Variants in GSE1 observed in about 807,000 individuals in gnomAD.
GSE1 encodes the protein genetic suppressor element 1.
In GSE1, 32 loss-of-function variants were observed where a neutral mutation model predicts 112.6. The observed-to-expected ratio is 0.28, with a 90% confidence interval of 0.21 to 0.38. The LOEUF (loss-of-function observed/expected upper bound fraction) is 0.38, where lower values mean the gene tolerates loss of function less well. Among genes scored for constraint, GSE1 ranks in the 10% least tolerant of loss-of-function variants. The pLI, the probability that GSE1 is intolerant of heterozygous loss-of-function variation, is 1.00. For missense variants in GSE1, 2,348 were observed against 1,699.2 expected (o/e 1.38, Z -6.71); for synonymous variants, 1,115 against 735.6 (o/e 1.52, Z -8.35).
chr16:85,611,010 C>T (rs925563574), upstream of GSE1, among the ~76,000 whole-genome samples: 3 of 152,230 alleles, frequency 2.0e-5, no homozygotes, highest in Non-Finnish European at 4.4e-5. Context: ...AAACCTAACC[C>T]CACCTTCACC....
intron 2 of GSE1, among the ~76,000 whole-genome samples, chr16:85,361,001 A>G (rs530843272): frequency 5.9e-5 from 9 of 151,948 alleles, no homozygotes; most frequent in Non-Finnish European, 1.3e-4. Flanking sequence ...CAGAAGCCAA[A>G]CATCCTCGCA....
intron 2 of GSE1, among the ~76,000 whole-genome samples, chr16:85,474,486 A>G (rs982802219): frequency 1.3e-5 from 2 of 151,872 alleles, no homozygotes; most frequent in African/African-American, 4.8e-5. Flanking sequence ...GGGGAGTCAC[A>G]TTTCATTTTC....
intron 2 of GSE1, among the ~76,000 whole-genome samples, chr16:85,429,481 T>G (rs2049069319): frequency 6.6e-6 from 1 of 152,218 alleles, no homozygotes. Context: ...AGTGCGAATC[T>G]GCTAGTGAGG....
At chr16:85,169,942 G>A (rs1346128473) in exon 1 of GSE1, 1 of 984,490 alleles carries the variant, frequency 1.0e-6, no homozygotes, top group Non-Finnish European at 1.2e-6. Context: ...CGAGTGGAAC[G>A]TCGCCTACGC....
Position 85,311,793 on chromosome 16 carries a change from C to T in GSE1, c.2284-45670C>T, listed in dbSNP as rs896757765. 5.9e-5 allele frequency among the ~76,000 whole-genome samples: 9 copies of T among 152,302 alleles called. No individual in the cohort carries two copies. The highest frequency in any genetic ancestry group is 1.0e-4 in the Non-Finnish European group (7 of 68,010). On this transcript the variant is annotated intron_variant, in intron 1 of 2. Transcript: ENST00000637419. This position sits in a 1 kb window ranked among gnomAD's most constrained non-coding sequence, Gnocchi z 4.2. ...CCCACCTGCCGATGCCCACATACCA[C>T]CTTGCAGTCCTGGTGATGGGGACCC...
In GSE1 at chr16:85,590,525, TTG is replaced by T. The variant is rs573854581; in HGVS notation, c.37+34167_37+34168del. 4.1e-5 allele frequency among the ~76,000 whole-genome samples: 6 copies of T among 146,274 alleles called. No individual in the cohort carries two copies. The East Asian group carries it at 6.1e-4, about 15-fold the overall frequency. ...TGTGTGTGAATGAGTGTGTGTGTGA[TTG>T]TGTGAGCATGTGTGACATTGCGTGT... On this transcript the variant is annotated intron_variant, in intron 1 of 2. Transcript: ENST00000635906.
At chr16:85,518,428 A>C (rs1208932288) in intron 2 of GSE1, among the ~76,000 whole-genome samples, 1 of 152,088 alleles carries the variant, frequency 6.6e-6, no homozygotes, top group Non-Finnish European at 1.5e-5. Context: ...ACAGGGATGC[A>C]ACTGTGTGTG....
chr16:85,339,764 A>G (rs1326104454), intron 1 of GSE1, among the ~76,000 whole-genome samples: 2 of 152,138 alleles, frequency 1.3e-5, no homozygotes, highest in Non-Finnish European at 2.9e-5. Context: ...TCTTTATGCC[A>G]GGGGACGGCG....
chr16:85,275,243 C>G (rs954042120), intron 1 of GSE1, among the ~76,000 whole-genome samples: 1 of 152,220 alleles, frequency 6.6e-6, no homozygotes, highest in East Asian at 1.9e-4. Flanking sequence ...CAGAACAGCT[C>G]CCTGCTAGGA....
At chr16:85,646,136 CAT>C (rs2050847263) in intron 2 of GSE1, among the ~76,000 whole-genome samples, 4 of 119,362 alleles carry the variant, frequency 3.4e-5, no homozygotes, top group African/African-American at 1.1e-4. Flanking sequence ...GCTTCCTATG[CAT>C]GCATTCTACC....
At position 85,646,188 on chromosome 16, in the gene GSE1, T is replaced by C. The variant is rs112450281; in HGVS notation, c.227-2364T>C. 3.5e-4 allele frequency among the ~76,000 whole-genome samples: 51 copies of C among 147,640 alleles called. 1 individual carries two copies. The highest frequency in any genetic ancestry group is 9.5e-4 in the African/African-American group (38 of 39,868). On this transcript the variant is annotated intron_variant, in intron 2 of 15. Transcript: ENST00000253458. ...TTCCTATGCATGCATTCTACCTGCT[T>C]CTACCACGCTTCCTATGCATGCATT...
At chr16:85,334,883 C>T (rs1372032875) in intron 1 of GSE1, among the ~76,000 whole-genome samples, 1 of 152,062 alleles carries the variant, frequency 6.6e-6, no homozygotes, top group Non-Finnish European at 1.5e-5. Context: ...GAGGTGTCTG[C>T]ACCCGGAAGA....
Position 85,373,107 on chromosome 16 carries a change from G to A in GSE1, c.2464+15464G>A, listed in dbSNP as rs1185281685. Among the ~76,000 whole-genome samples, 1 of 152,272 alleles carries A rather than the reference G, an allele frequency of 6.6e-6. No homozygotes were observed. Among genetic ancestry groups the A allele is most frequent in the Non-Finnish European group, 1.5e-5 (1 of 68,052 alleles). On this transcript the variant is annotated intron_variant, in intron 2 of 2. Transcript: ENST00000637419. The surrounding 1 kb of genome is among the most constrained non-coding windows in gnomAD (Gnocchi z 5.1). Reference sequence around the variant, plus strand: ...AGTGGGCTGTGGCCTTCTAGGCCCAGGTCCTCTGCCAGGACAGGCAGGTGT... The same window carrying A: ...AGTGGGCTGTGGCCTTCTAGGCCCAAGTCCTCTGCCAGGACAGGCAGGTGT...
In GSE1 at chr16:85,431,502, G is replaced by C. The variant is rs752862159; in HGVS notation, c.2464+73859G>C. The stretch of plus-strand genomic sequence containing the variant: ...CGTGTTTGCAGGCCACACTTGCAGA[G>C]CGCGTCTCTGATCCAACGCCTGCTG... On this transcript the variant is annotated intron_variant, in intron 2 of 2. Coordinates refer to the GSE1 transcript ENST00000637419. 1.4e-4 allele frequency among the ~76,000 whole-genome samples: 21 copies of C among 152,356 alleles called. 1 individual carries two copies. In the Middle Eastern group the frequency reaches 0.021, roughly 149 times the overall value.
At chr16:85,665,519 T>C (rs1442039265) in intron 12 of GSE1, among the ~76,000 whole-genome samples, 1 of 152,176 alleles carries the variant, frequency 6.6e-6, no homozygotes, top group Non-Finnish European at 1.5e-5. Context: ...CCGCCCTGGC[T>C]CTCTTCCTGC....
chr16:85,560,204 C>G (rs1170106052), intron 1 of GSE1, among the ~76,000 whole-genome samples: 3 of 130,316 alleles, frequency 2.3e-5, no homozygotes, highest in Non-Finnish European at 4.6e-5. Context: ...GGCGAGATTT[C>G]GGCTCACTGC....
At chr16:85,220,053 G>C (rs2075365516) in intron 1 of GSE1, among the ~76,000 whole-genome samples, 1 of 152,216 alleles carries the variant, frequency 6.6e-6, no homozygotes, top group Non-Finnish European at 1.5e-5. Flanking sequence ...TTGGTGGCCT[G>C]TGTGTTCTTA....
At chr16:85,529,550 C>T (rs1181726831) in intron 2 of GSE1, among the ~76,000 whole-genome samples, 2 of 152,210 alleles carry the variant, frequency 1.3e-5, no homozygotes, top group Non-Finnish European at 2.9e-5. Context: ...GCTGAGCAGC[C>T]CCTGCTATGC....
At chr16:85,329,627 G>T (rs1002697205) in intron 1 of GSE1, among the ~76,000 whole-genome samples, 9 of 151,952 alleles carry the variant, frequency 5.9e-5, no homozygotes, top group African/African-American at 2.2e-4. Flanking sequence ...GAGAAGGTTC[G>T]CCTGTGCCAA....
Sources: gnomAD v4.1 joint callset for allele counts (sites outside exome capture counted in the v4.1 genomes callset) on GRCh38, gnomAD v4.1.1 for gene constraint, Gnocchi (gnomAD v3.1) non-coding constraint, MANE v1.5 for transcripts, NCBI Gene and HGNC (gene_info 2026-07-23, HGNC 2026-07-21) for gene names.